Variants in FRY observed in about 807,000 individuals in gnomAD.
FRY encodes FRY microtubule binding protein, also known as protein furry homolog.
FRY carries 128 observed loss-of-function variants against 348.4 expected under a neutral mutation model. The observed-to-expected ratio is 0.37, with a 90% CI of 0.32 to 0.43. The LOEUF (loss-of-function observed/expected upper bound fraction) is 0.43, where lower values mean the gene tolerates loss of function less well. Among genes scored for constraint, FRY ranks in the 20% least tolerant of loss-of-function variants. FRY has a pLI of 1.00. For missense variants in FRY, 2,736 were observed against 3,695.2 expected (o/e 0.74, Z 6.73); for synonymous variants, 1,370 against 1,374.7 (o/e 1.00, Z 0.08).
chr13:32,145,771 C>T (rs897644614), intron 11 of FRY, among the ~76,000 whole-genome samples: 1 of 151,616 alleles, frequency 6.6e-6, no homozygotes, highest in African/African-American at 2.4e-5. Flanking sequence ...GTCTCGATCT[C>T]CTGACCTCAT....
intron 39 of FRY, among the ~76,000 whole-genome samples, chr13:32,226,883 T>C (rs1264318068): frequency 1.3e-5 from 2 of 152,216 alleles, no homozygotes; most frequent in African/African-American, 2.4e-5. Context: ...TTTAAGCACT[T>C]CACTTTGAAC....
chr13:32,195,974 C>T (rs983038152), intron 29 of FRY, among the ~76,000 whole-genome samples: 3 of 152,192 alleles, frequency 2.0e-5, no homozygotes, highest in South Asian at 2.1e-4. Context: ...CCTAAATTTG[C>T]TCTTTCCACA....
intron 20 of FRY, among the ~76,000 whole-genome samples, 187 bp from the exon 21 acceptor site, chr13:32,177,990 A>G (rs939222035): frequency 6.6e-6 from 1 of 152,208 alleles, no homozygotes; most frequent in Non-Finnish European, 1.5e-5. Context: ...ATCATCTAGC[A>G]TAGGAAGACT....
chr13:32,211,167 C>A, intron 34 of FRY, 133 bp downstream of exon 34: 1 of 852,058 alleles, frequency 1.2e-6, no homozygotes, highest in Non-Finnish European at 1.9e-6. Context: ...TAAGAGATGG[C>A]TTAAGAATAA....
Position 32,237,782 on chromosome 13 carries a change from G to C in FRY, c.6214G>C (p.Ala2072Pro). Reference protein sequence around the residue: ...MALRLLSRLLAHMPLDKAENR... With the variant: ...MALRLLSRLLPHMPLDKAENR... ...CTTAAGGCTGTTGAGCAGACTACTG[G>C]CACATATGCCACTCGATAAGGCTGA... Residue 2072 changes from alanine (A) to proline (P), a missense_variant, in exon 44 of 61, where the codon GCA becomes CCA. This residue lies in a region of FRY where 789 missense variants were observed against 996.2 expected (regional missense o/e 0.79). Transcript: ENST00000542859. This position sits in a 1 kb window ranked among gnomAD's most constrained non-coding sequence, Gnocchi z 6.3. 1.2e-6 allele frequency: 2 copies of C among 1,614,112 alleles called. No homozygotes were observed. The highest frequency in any genetic ancestry group is 1.7e-6 in the Non-Finnish European group (2 of 1,180,016).
At chr13:32,227,769 T>TTTG (rs1885661551) in intron 39 of FRY, among the ~76,000 whole-genome samples, 2 of 149,866 alleles carry the variant, frequency 1.3e-5, no homozygotes, top group Admixed American at 6.6e-5. Context: ...TTTTTTTTTT[T>TTTG]GAGACAGAGT....
At chr13:32,274,531 C>T (rs57936660) in intron 55 of FRY, among the ~76,000 whole-genome samples, 3,899 of 151,590 alleles carry the variant, frequency 0.026, 133 homozygotes, top group African/African-American at 0.082. Flanking sequence ...AGTGAAACCC[C>T]GTCTCTACTA....
Position 32,202,204 on chromosome 13 carries a change from A to C in FRY, c.3847-152A>C, listed in dbSNP as rs981669069. 2.0e-5 allele frequency: 15 copies of C among 767,920 alleles called. No homozygotes were observed. In the African/African-American group the frequency reaches 2.0e-4, roughly 10 times the overall value. 47.6% of individuals were successfully genotyped at this position (767,920 alleles called of 1,614,324 possible). On this transcript the variant is annotated intron_variant, in intron 30 of 60. Coordinates refer to ENST00000542859, the MANE Select transcript of FRY (RefSeq NM_023037.3). ...AGTAACTATATAATCTTTTGTAAACATACTAATTAAACTGATGTTTTACCT... is the reference window on the plus strand; with the variant it reads ...AGTAACTATATAATCTTTTGTAAACCTACTAATTAAACTGATGTTTTACCT...
chr13:32,242,781 C>A (rs1165998507), intron 46 of FRY, among the ~76,000 whole-genome samples: 1 of 152,160 alleles, frequency 6.6e-6, no homozygotes, highest in Non-Finnish European at 1.5e-5. Context: ...GTGATCCACC[C>A]ACCTCAGCCT....
intron 49 of FRY, 135 bp downstream of exon 49, chr13:32,249,822 C>A: frequency 1.3e-6 from 1 of 756,154 alleles, no homozygotes; most frequent in East Asian, 2.7e-5. Flanking sequence ...GGGATGGGGT[C>A]TTGTGGCATT....
intron 7 of FRY, among the ~76,000 whole-genome samples, chr13:32,131,112 G>A (rs576720500): frequency 4.6e-5 from 7 of 152,174 alleles, no homozygotes; most frequent in East Asian, 1.9e-4. Context: ...CACTGCGCCC[G>A]GCCTCCCATT....
intron 1 of FRY, among the ~76,000 whole-genome samples, chr13:32,037,854 A>G (rs548504763): frequency 6.6e-6 from 1 of 152,256 alleles, no homozygotes; most frequent in African/African-American, 2.4e-5. Flanking sequence ...TAACTTCCAT[A>G]TTTCTGAGTC....
At chr13:32,120,013 C>T (rs1229841937) in intron 4 of FRY, among the ~76,000 whole-genome samples, 1 of 152,166 alleles carries the variant, frequency 6.6e-6, no homozygotes, top group African/African-American at 2.4e-5. Context: ...TTATTTTCTT[C>T]TTATTCCCTT....
At chr13:32,245,159 A>T (rs1416031232) in intron 47 of FRY, among the ~76,000 whole-genome samples, 2 of 152,060 alleles carry the variant, frequency 1.3e-5, no homozygotes, top group Non-Finnish European at 2.9e-5. Flanking sequence ...CATATTGGCC[A>T]GGCTGGTCTC....
intron 58 of FRY, among the ~76,000 whole-genome samples, chr13:32,287,587 A>T (rs1889140876): frequency 6.6e-6 from 1 of 152,242 alleles, no homozygotes; most frequent in African/African-American, 2.4e-5. Context: ...TGGTCTCTAA[A>T]ACTGACTGAC....
chr13:32,056,846 C>A (rs1230752580), intron 1 of FRY, among the ~76,000 whole-genome samples: 3 of 152,010 alleles, frequency 2.0e-5, no homozygotes, highest in Non-Finnish European at 4.4e-5. Context: ...TAAAATGTGA[C>A]CATTTTATTA....
chr13:32,109,363 A>C (rs1281843334), intron 3 of FRY, among the ~76,000 whole-genome samples: 1 of 152,182 alleles, frequency 6.6e-6, no homozygotes, highest in Non-Finnish European at 1.5e-5. Context: ...TATCTACACA[A>C]ATAAAGTGGC....
In FRY at chr13:32,298,941, G is replaced by A. The variant is rs1215042620; in HGVS notation, c.*3481G>A. 1.3e-5 allele frequency: 2 copies of A among 152,176 alleles called. No individual in the cohort carries two copies. Among genetic ancestry groups the A allele is most frequent in the African/African-American group, 4.8e-5 (2 of 41,442 alleles). 9.4% of individuals were successfully genotyped at this position (152,176 alleles called of 1,614,324 possible). On this transcript the variant is annotated 3_prime_UTR_variant, in exon 61 of 61. Coordinates refer to ENST00000542859, the MANE Select transcript of FRY (RefSeq NM_023037.3). ...ATGTTTGCGGGCAGGGTAGTGACAT[G>A]CTGTGACTTATGTTTAAAAGGATTA...
chr13:32,132,893 G>A (rs1879456917), intron 8 of FRY, among the ~76,000 whole-genome samples: 1 of 152,162 alleles, frequency 6.6e-6, no homozygotes, highest in African/African-American at 2.4e-5. Flanking sequence ...CACAACATGG[G>A]TGAACTTTGA....
Sources: allele counts gnomAD v4.1 joint callset (sites outside exome capture counted in the v4.1 genomes callset), GRCh38; gene constraint gnomAD v4.1.1; regional missense constraint gnomAD v4.1.1; non-coding constraint Gnocchi (gnomAD v3.1); transcripts MANE v1.5; gene names NCBI Gene and HGNC (gene_info 2026-07-23, HGNC 2026-07-21).